TENM4: variants seen among roughly 807,000 people sequenced by gnomAD.
The protein encoded by TENM4 is teneurin-4.
Under a neutral mutation model 243.3 loss-of-function variants are expected in TENM4, and 82 were observed. The ratio of observed to expected loss-of-function variants is 0.34; its 90% CI spans 0.28 to 0.40. The LOEUF (loss-of-function observed/expected upper bound fraction) is 0.40, where lower values mean the gene tolerates loss of function less well. Ranked by LOEUF, TENM4 falls within the 10% of genes least tolerant of loss-of-function variation. TENM4 has a pLI of 1.00. For synonymous variants in TENM4, 1,412 were observed against 1,456.3 expected (o/e 0.97, Z 0.69); for missense variants, 3,138 against 3,673.3 (o/e 0.85, Z 3.77).
At chr11:79,226,756 A>G (rs1273790048) in intron 2 of TENM4, among the ~76,000 whole-genome samples, 2 of 151,976 alleles carry the variant, frequency 1.3e-5, no homozygotes, top group Non-Finnish European at 2.9e-5. Flanking sequence ...CAGGCTCTTG[A>G]TTTTTCCTCA....
At chr11:79,150,221 T>C (rs1443929028) in intron 3 of TENM4, among the ~76,000 whole-genome samples, 2 of 152,138 alleles carry the variant, frequency 1.3e-5, no homozygotes, top group East Asian at 3.9e-4. Flanking sequence ...TTCTCACAGA[T>C]CATTAAATTC....
chr11:79,374,675 G>A (rs970918221), intron 1 of TENM4, among the ~76,000 whole-genome samples: 1 of 151,882 alleles, frequency 6.6e-6, no homozygotes, highest in African/African-American at 2.4e-5. Flanking sequence ...TTTTATATGA[G>A]GATCCTAGTT....
chr11:79,356,193 T>C (rs1278635115), intron 1 of TENM4, among the ~76,000 whole-genome samples: 1 of 152,160 alleles, frequency 6.6e-6, no homozygotes, highest in Middle Eastern at 3.2e-3. Context: ...AGAACTTCTC[T>C]CCCTTCTATA....
At chr11:79,262,587 A>G (rs1855817271) in intron 2 of TENM4, among the ~76,000 whole-genome samples, 1 of 152,232 alleles carries the variant, frequency 6.6e-6, no homozygotes, top group Admixed American at 6.5e-5. Flanking sequence ...CACTACAGCA[A>G]GAAGAGATGC....
rs1445840437 is a variant in TENM4 at position 78,656,942 on chromosome 11, C to A, written c.*1116G>T. 5.0e-6 allele frequency: 2 copies of A among 397,934 alleles called. No homozygotes were observed. Among genetic ancestry groups the A allele is most frequent in the South Asian group, 1.3e-4 (1 of 7,446 alleles). The allele number at this position is 397,934 out of a possible 1,614,324, so 24.7% of individuals were successfully genotyped here. On this transcript the variant is annotated 3_prime_UTR_variant, in exon 34 of 34. Coordinates refer to ENST00000278550, the MANE Select transcript of TENM4 (RefSeq NM_001098816.3). ...CTGGCTTTTTTTGTTAAGCATTTTT[C>A]CAGAATCAAAGGCCACCAAGCACCT...
chr11:78,712,036 T>C (rs778671009), intron 26 of TENM4, among the ~76,000 whole-genome samples: 3 of 152,166 alleles, frequency 2.0e-5, no homozygotes, highest in Non-Finnish European at 4.4e-5. Context: ...TATGAACATA[T>C]GAAAACACGA....
At chr11:78,989,111 G>A (rs1360997631) in intron 6 of TENM4, among the ~76,000 whole-genome samples, 2 of 152,210 alleles carry the variant, frequency 1.3e-5, no homozygotes, top group South Asian at 2.1e-4. Flanking sequence ...TTACAGAGAA[G>A]AAATAAAAAT....
chr11:79,254,266 C>A (rs949548210), intron 2 of TENM4, among the ~76,000 whole-genome samples: 1 of 152,074 alleles, frequency 6.6e-6, no homozygotes, highest in Non-Finnish European at 1.5e-5. Flanking sequence ...TGTCTTTGAG[C>A]AGAGACTGAG....
chr11:79,167,841 C>T (rs972114670), intron 3 of TENM4, among the ~76,000 whole-genome samples: 14 of 152,180 alleles, frequency 9.2e-5, no homozygotes, highest in African/African-American at 3.1e-4. Flanking sequence ...GTCCACAGGG[C>T]CTGCAAAACT....
At chr11:78,934,659 T>C (rs932948342) in intron 6 of TENM4, among the ~76,000 whole-genome samples, 1 of 152,240 alleles carries the variant, frequency 6.6e-6, no homozygotes, top group African/African-American at 2.4e-5. Context: ...AAATTTCATA[T>C]ACTTCAGGGA....
chr11:79,286,042 ATATCTCAATAATGC>A lies in TENM4; in HGVS notation c.-265+11432_-265+11445del, dbSNP rs1856244650. Among the ~76,000 whole-genome samples, 3 of 152,352 alleles carry A rather than the reference ATATCTCAATAATGC, an allele frequency of 2.0e-5. No homozygotes were observed. In the South Asian group the frequency reaches 6.2e-4, roughly 32 times the overall value. On this transcript the variant is annotated intron_variant, in intron 2 of 33. Coordinates refer to ENST00000278550, the MANE Select transcript of TENM4 (RefSeq NM_001098816.3). ...GGGTAAATTTTATAGCACGTGAATT[ATATCTCAATAATGC>A]TGCTACAGAAAACGTATGCAAGAAA...
rs112014277 is a variant in TENM4 at position 78,867,208 on chromosome 11, AT to A, written c.1085-4077del. Among the ~76,000 whole-genome samples the A allele has an allele frequency of 5.2e-3, 775 of 147,902 alleles. 4 individuals are homozygous for A. The highest frequency in any genetic ancestry group is 0.017 in the African/African-American group (690 of 40,446). ...AATAGCACAGTTCTTTATTTATTCTATTTTTTTTTTGTACCCGTTAACCATG... is the reference window on the plus strand; with the variant it reads ...AATAGCACAGTTCTTTATTTATTCTATTTTTTTTTGTACCCGTTAACCATG... On this transcript the variant is annotated intron_variant, in intron 9 of 33. Coordinates refer to ENST00000278550, the MANE Select transcript of TENM4 (RefSeq NM_001098816.3).
At chr11:78,660,166 C>A (rs527249813) in intron 33 of TENM4, among the ~76,000 whole-genome samples, 2 of 152,022 alleles carry the variant, frequency 1.3e-5, no homozygotes, top group Non-Finnish European at 2.9e-5. Context: ...GATATCTGGG[C>A]GGGGCCTGGA....
intron 4 of TENM4, among the ~76,000 whole-genome samples, chr11:79,088,960 G>A (rs1330038203): frequency 6.6e-6 from 1 of 152,142 alleles, no homozygotes; most frequent in Non-Finnish European, 1.5e-5. Context: ...CTGTAAGATG[G>A]TCAGTTGTTT....
At chr11:79,393,279 C>T (rs1858273540) in intron 1 of TENM4, among the ~76,000 whole-genome samples, 8 of 152,028 alleles carry the variant, frequency 5.3e-5, no homozygotes, top group Admixed American at 5.2e-4. Flanking sequence ...AAGAAATTTG[C>T]CCAAAACTAC....
intron 1 of TENM4, among the ~76,000 whole-genome samples, chr11:79,385,836 G>A (rs1423105799): frequency 6.6e-6 from 1 of 152,082 alleles, no homozygotes; most frequent in African/African-American, 2.4e-5. Context: ...TGTGGACACA[G>A]GATCCCTGTG....
intron 9 of TENM4, among the ~76,000 whole-genome samples, chr11:78,885,133 C>G (rs904041568): frequency 2.0e-5 from 3 of 152,166 alleles, no homozygotes; most frequent in African/African-American, 7.2e-5. Flanking sequence ...ACTGGCAGTA[C>G]AAGCTTCAGG....
At chr11:78,973,826 G>A (rs1857596295) in intron 6 of TENM4, among the ~76,000 whole-genome samples, 1 of 151,718 alleles carries the variant, frequency 6.6e-6, no homozygotes, top group Non-Finnish European at 1.5e-5. Context: ...TGGCATGGGC[G>A]TGTTATTTTA....
At chr11:79,223,874 C>T (rs1565257344) in intron 2 of TENM4, among the ~76,000 whole-genome samples, 1 of 152,178 alleles carries the variant, frequency 6.6e-6, no homozygotes, top group Non-Finnish European at 1.5e-5. Context: ...TGCTGTGCGT[C>T]AATTATTTCT....
Sources: allele counts gnomAD v4.1 joint callset (sites outside exome capture counted in the v4.1 genomes callset), GRCh38; gene constraint gnomAD v4.1.1; transcripts MANE v1.5; gene names NCBI Gene and HGNC (gene_info 2026-07-23, HGNC 2026-07-21).